Variants in POU4F2 observed in about 807,000 individuals in gnomAD.
The protein encoded by POU4F2 is POU domain, class 4, transcription factor 2.
In POU4F2, 10 loss-of-function variants were observed where a neutral mutation model predicts 21.5. The observed-to-expected ratio is 0.46, with a 90% CI of 0.29 to 0.79. The LOEUF (loss-of-function observed/expected upper bound fraction) is 0.79. POU4F2 is among the 30% of genes least tolerant of loss of function. The pLI, the probability that POU4F2 is intolerant of heterozygous loss-of-function variation, is 0.10. For missense variants in POU4F2, 623 were observed against 603.3 expected, an observed-to-expected ratio of 1.03 and a Z score of -0.34; for synonymous variants, 324 against 271.1, an observed-to-expected ratio of 1.20 and a Z score of -1.92.
In POU4F2 at chr4:146,640,397, G is replaced by T. The variant is rs1039872125; in HGVS notation, c.819G>T (p.Gly273=). The T allele has an allele frequency of 2.5e-6, 4 of 1,609,078 alleles. No homozygotes were observed. Among genetic ancestry groups the T allele is most frequent in the South Asian group, 2.2e-5 (2 of 90,896 alleles). The part of the protein sequence containing the change: ...ERFKQRRIKL[G]VTQADVGSAL... ...TCAAGCAGCGACGCATCAAGCTGGGGGTGACCCAGGCAGATGTGGGCTCCG... is the reference window on the plus strand; with the variant it reads ...TCAAGCAGCGACGCATCAAGCTGGGTGTGACCCAGGCAGATGTGGGCTCCG... The change falls in exon 2 of 2, where the codon GGG becomes GGT. Residue 273 remains glycine (G), a synonymous_variant. Transcript: ENST00000281321. The surrounding 1 kb of genome is among the most constrained non-coding windows in gnomAD (Gnocchi z 4.8).
In POU4F2 at chr4:146,639,218, C is replaced by G; in HGVS notation, c.78C>G (p.Tyr26Ter). 5 of 1,606,766 alleles carry G rather than the reference C, an allele frequency of 3.1e-6. No homozygotes were observed. The highest frequency in any genetic ancestry group is 4.2e-6 in the Non-Finnish European group (5 of 1,177,336). Residue 26 changes from tyrosine to a stop codon, truncating the protein, a stop_gained, in exon 1 of 2, where the codon TAC becomes TAG. Coordinates refer to ENST00000281321, the MANE Select transcript of POU4F2 (RefSeq NM_004575.3). LOFTEE classifies it high-confidence loss of function. The part of the protein sequence containing the change: ...HGGSLHVEPK[Y>*]SALHSTSPGS... ...GCAGCCTGCACGTGGAGCCCAAGTA[C>G]TCGGCACTGCACAGCACCTCGCCGG...
rs964078596 is a variant in POU4F2, at chr4:146,641,171, C to A, written c.*363C>A. ...CAAGTAAGATTTGTTTTTATTCTTA[C>A]AGACATCACCCGTGTTCAAGTTTAA... On this transcript the variant is annotated 3_prime_UTR_variant, in exon 2 of 2. Coordinates refer to ENST00000281321, the MANE Select transcript of POU4F2 (RefSeq NM_004575.3). The A allele has an allele frequency of 2.2e-5, 4 of 182,712 alleles. No individual in the cohort carries two copies. Among genetic ancestry groups the A allele is most frequent in the Non-Finnish European group, 3.4e-5 (3 of 89,258 alleles). 11.3% of individuals were successfully genotyped at this position (182,712 alleles called of 1,614,324 possible).
At chr4:146,639,617 G>A (rs552963942) in intron 1 of POU4F2, among the ~76,000 whole-genome samples, 189 bp downstream of exon 1, 3 of 151,908 alleles carry the variant, frequency 2.0e-5, no homozygotes, top group Admixed American at 6.5e-5. Context: ...TGTTGCCTGT[G>A]CGCGTGTTGT....
In POU4F2 at chr4:146,638,904, C is replaced by T. The variant is rs902989717; in HGVS notation, c.-237C>T. 1.1e-5 allele frequency: 6 copies of T among 544,494 alleles called. No individual in the cohort carries two copies. The highest frequency in any genetic ancestry group is 1.9e-5 in the Non-Finnish European group (6 of 321,888). The allele number at this position is 544,494 out of a possible 1,614,324, so 33.7% of individuals were successfully genotyped here. ...CGAGGAGCGGGGGCAGTTTCGGGTG[C>T]CGAGGTCTGCAGCTAGCGGCAAGCG... is the stretch of plus-strand genomic sequence containing the variant. On this transcript the variant is annotated 5_prime_UTR_variant, in exon 1 of 2. Transcript: ENST00000281321.
In POU4F2 at chr4:146,640,966, GC is replaced by G; in HGVS notation, c.*161del. 1.4e-6 allele frequency: 1 copy of G among 698,438 alleles called. No homozygotes were observed. The allele number at this position is 698,438 out of a possible 1,614,324, so 43.3% of individuals were successfully genotyped here. On this transcript the variant is annotated 3_prime_UTR_variant, in exon 2 of 2. Transcript: ENST00000281321. This position sits in a 1 kb window ranked among gnomAD's most constrained non-coding sequence, Gnocchi z 4.8. ...AGGGAGCGAACGAGCGAACAACTGA[GC>G]CCAAGCCGGTGAGAATGTGAAACAG... is the stretch of plus-strand genomic sequence containing the variant.
Position 146,642,308 on chromosome 4 carries a change from G to A in POU4F2, c.*1500G>A, listed in dbSNP as rs74571172. Reference sequence around the variant, plus strand: ...AAGTCTTGAGTTCTGTATATGGCCTGGTTTCTTGTTTTTATTAATAGATGG... The same window carrying A: ...AAGTCTTGAGTTCTGTATATGGCCTAGTTTCTTGTTTTTATTAATAGATGG... On this transcript the variant is annotated 3_prime_UTR_variant, in exon 2 of 2. Coordinates refer to ENST00000281321, the MANE Select transcript of POU4F2 (RefSeq NM_004575.3). 533 of 152,126 alleles carry A rather than the reference G, an allele frequency of 3.5e-3. 5 individuals carry two copies. Among genetic ancestry groups the A allele is most frequent in the African/African-American group, 0.012 (502 of 41,498 alleles). 9.4% of individuals were successfully genotyped at this position (152,126 alleles called of 1,614,324 possible). A position where few individuals can be genotyped will look rare whatever the true frequency, so the allele number is the denominator to read the frequency against.
At chr4:146,639,514 C>T (rs764143691) in intron 1 of POU4F2, 86 bp downstream of exon 1, 139 of 1,432,142 alleles carry the variant, frequency 9.7e-5, no homozygotes, top group Non-Finnish European at 1.2e-4. Context: ...GTCTGCACAG[C>T]AAATCACCCC....
chr4:146,641,863 A>ACACG lies in POU4F2; in HGVS notation c.*1058_*1059insGCAC, dbSNP rs989659299. Reference sequence around the variant, plus strand: ...AGCGCTCTCACTTACCCTTACACACACACACACACACACACACACCTCTAA... The same window carrying ACACG: ...AGCGCTCTCACTTACCCTTACACACACACGCACACACACACACACACACCTCTAA... On this transcript the variant is annotated 3_prime_UTR_variant, in exon 2 of 2. Coordinates refer to ENST00000281321, the MANE Select transcript of POU4F2 (RefSeq NM_004575.3). 2 of 152,186 alleles carry ACACG rather than the reference A, an allele frequency of 1.3e-5. No homozygotes were observed. The highest frequency in any genetic ancestry group is 4.8e-5 in the African/African-American group (2 of 41,278). 9.4% of individuals were successfully genotyped at this position (152,186 alleles called of 1,614,324 possible).
At position 146,641,040 on chromosome 4, in the gene POU4F2, A is replaced by G. The variant is rs1388844899; in HGVS notation, c.*232A>G. 6.3e-6 allele frequency: 3 copies of G among 474,794 alleles called. No individual in the cohort carries two copies. The highest frequency in any genetic ancestry group is 4.1e-5 in the Admixed American group (1 of 24,578). 29.4% of individuals were successfully genotyped at this position (474,794 alleles called of 1,614,324 possible). A position where few individuals can be genotyped will look rare whatever the true frequency, so the allele number is the denominator to read the frequency against. ...AAAGATGGTATTTGTCTGTTGTAGC[A>G]AAGTTGTCCCTTTGAACCCCACCTC... On this transcript the variant is annotated 3_prime_UTR_variant, in exon 2 of 2. Transcript: ENST00000281321.
chr4:146,639,280 C>G lies in POU4F2; in HGVS notation c.140C>G (p.Pro47Arg). 4 of 1,560,206 alleles carry G rather than the reference C, an allele frequency of 2.6e-6. No individual in the cohort carries two copies. The highest frequency in any genetic ancestry group is 2.6e-6 in the Non-Finnish European group (3 of 1,157,512). ...CCCATCGCGCCCTCGGCCAGCTCCC[C>G]CAGCAGCTCGAGCAACGCTGGTGGT... The part of the protein sequence containing the change: ...SAPIAPSASS[P>R]SSSSNAGGGG... The change falls in exon 1 of 2, where the codon CCC becomes CGC. Residue 47 changes from proline (P) to arginine (R), a missense_variant. Physicochemically the swap from Pro to Arg is moderately radical, Grantham distance 103. Coordinates refer to ENST00000281321, the MANE Select transcript of POU4F2 (RefSeq NM_004575.3).
At position 146,641,573 on chromosome 4, in the gene POU4F2, G is replaced by C. The variant is rs1561028028; in HGVS notation, c.*765G>C. 6.6e-6 allele frequency: 1 copy of C among 152,556 alleles called. No homozygotes were observed. Among genetic ancestry groups the C allele is most frequent in the Non-Finnish European group, 1.5e-5 (1 of 68,020 alleles). The allele number at this position is 152,556 out of a possible 1,614,324, so 9.5% of individuals were successfully genotyped here. On this transcript the variant is annotated 3_prime_UTR_variant, in exon 2 of 2. Transcript: ENST00000281321. The stretch of plus-strand genomic sequence containing the variant: ...CTAAAAAAAGTGGGGGAAATGTATA[G>C]CTAGTAACGTTCAAAAAATTTTGTT...
In POU4F2 at chr4:146,641,891, G is replaced by A. The variant is rs1740894244; in HGVS notation, c.*1083G>A. On this transcript the variant is annotated 3_prime_UTR_variant, in exon 2 of 2. Coordinates refer to ENST00000281321, the MANE Select transcript of POU4F2 (RefSeq NM_004575.3). ...CACACACACACACACACCTCTAACA[G>A]AAGGGAAGAAGCAGTTGGAAGCATG... 2 of 148,342 alleles carry A rather than the reference G, an allele frequency of 1.3e-5. No homozygotes were observed. The highest frequency in any genetic ancestry group is 3.0e-5 in the Non-Finnish European group (2 of 67,074). 9.2% of individuals were successfully genotyped at this position (148,342 alleles called of 1,614,324 possible). A position where few individuals can be genotyped will look rare whatever the true frequency, so the allele number is the denominator to read the frequency against.
At position 146,639,407 on chromosome 4, in the gene POU4F2, A is replaced by T; in HGVS notation, c.267A>T (p.Arg89Ser). The change falls in exon 1 of 2, where the codon AGA becomes AGT. Residue 89 changes from arginine (R) to serine (S), a missense_variant. By Grantham distance (110) the Arg-to-Ser change is moderately radical (BLOSUM62 -1). Transcript: ENST00000281321. ...GCGGGGGCTCGGAGGCTATGCGGAG[A>T]GCCTGTCTTCCAACCCCACCGGTGC... ...SGGGGSEAMR[R>S]ACLPTPPSNI... The T allele has an allele frequency of 6.8e-7, 1 of 1,465,978 alleles. No individual in the cohort carries two copies. 90.8% of individuals were successfully genotyped at this position (1,465,978 alleles called of 1,614,324 possible).
chr4:146,640,825 C>A lies in POU4F2; in HGVS notation c.*17C>A. The A allele has an allele frequency of 6.4e-7, 1 of 1,554,718 alleles. No individual in the cohort carries two copies. Among genetic ancestry groups the A allele is most frequent in the East Asian group, 2.3e-5 (1 of 44,282 alleles). The stretch of plus-strand genomic sequence containing the variant: ...GGCATTTAGAAGACTCTTGGCCTCT[C>A]CAGAGACGCCCCTTTCCTCGTCCGC... On this transcript the variant is annotated 3_prime_UTR_variant, in exon 2 of 2. Coordinates refer to ENST00000281321, the MANE Select transcript of POU4F2 (RefSeq NM_004575.3). This position sits in a 1 kb window ranked among gnomAD's most constrained non-coding sequence, Gnocchi z 4.8.
At position 146,639,202 on chromosome 4, in the gene POU4F2, A is replaced by C; in HGVS notation, c.62A>C (p.His21Pro). ...AFSMPHGGSL[H>P]VEPKYSALHS... is the part of the protein sequence containing the mutation. ...AGCATGCCGCACGGCGGCAGCCTGC[A>C]CGTGGAGCCCAAGTACTCGGCACTG... The change falls in exon 1 of 2, where the codon CAC becomes CCC. Residue 21 changes from histidine (H) to proline (P), a missense_variant. Transcript: ENST00000281321. The C allele has an allele frequency of 1.2e-6, 2 of 1,607,226 alleles. No individual in the cohort carries two copies. Among genetic ancestry groups the C allele is most frequent in the Non-Finnish European group, 1.7e-6 (2 of 1,177,542 alleles).
Position 146,641,794 on chromosome 4 carries a change from T to C in POU4F2, c.*986T>C, listed in dbSNP as rs1259255610. The stretch of plus-strand genomic sequence containing the variant: ...ACTGTCTGAAGTATTGTTTACTTCG[T>C]TACATATTTAATGGGGATTCCCACA... On this transcript the variant is annotated 3_prime_UTR_variant, in exon 2 of 2. Coordinates refer to ENST00000281321, the MANE Select transcript of POU4F2 (RefSeq NM_004575.3). The C allele has an allele frequency of 6.6e-6, 1 of 152,528 alleles. No individual in the cohort carries two copies. Among genetic ancestry groups the C allele is most frequent in the Admixed American group, 6.6e-5 (1 of 15,266 alleles). The allele number at this position is 152,528 out of a possible 1,614,324, so 9.4% of individuals were successfully genotyped here.
Position 146,642,273 on chromosome 4 carries a change from A to G in POU4F2, c.*1465A>G, listed in dbSNP as rs1485904472. On this transcript the variant is annotated 3_prime_UTR_variant, in exon 2 of 2. Transcript: ENST00000281321. Reference sequence around the variant, plus strand: ...TTTTGCTGTATTGCTGTTCTCTTTGAGGCTCTCCAAAGTCTTGAGTTCTGT... The same window carrying G: ...TTTTGCTGTATTGCTGTTCTCTTTGGGGCTCTCCAAAGTCTTGAGTTCTGT... 4.6e-5 allele frequency: 7 copies of G among 152,162 alleles called. No individual in the cohort carries two copies. The highest frequency in any genetic ancestry group is 1.7e-4 in the African/African-American group (7 of 41,436). 9.4% of individuals were successfully genotyped at this position (152,162 alleles called of 1,614,324 possible). A position where few individuals can be genotyped will look rare whatever the true frequency, so the allele number is the denominator to read the frequency against.
rs1273840275 is a variant in POU4F2 at position 146,640,088 on chromosome 4, G to T, written c.510G>T (p.Thr170=). The change falls in exon 2 of 2, where the codon ACG becomes ACT. Residue 170 remains threonine, a synonymous_variant. Transcript: ENST00000281321. The surrounding 1 kb of genome is among the most constrained non-coding windows in gnomAD (Gnocchi z 4.8). ...PISHPSALAG[T]HHHHHHHHHH... is the part of the protein sequence containing the mutation. The stretch of plus-strand genomic sequence containing the variant: ...CGCACCCTTCCGCGTTGGCGGGCAC[G>T]CACCACCACCACCACCATCACCACC... The T allele has an allele frequency of 3.1e-6, 5 of 1,603,612 alleles. No homozygotes were observed. In the Admixed American group the frequency reaches 8.3e-5, roughly 27 times the overall value.
rs755145943 is a variant in POU4F2 at position 146,639,204 on chromosome 4, G to C, written c.64G>C (p.Val22Leu). The C allele has an allele frequency of 3.1e-6, 5 of 1,607,028 alleles. No homozygotes were observed. The highest frequency in any genetic ancestry group is 1.7e-5 in the Admixed American group (1 of 59,424). ...CATGCCGCACGGCGGCAGCCTGCAC[G>C]TGGAGCCCAAGTACTCGGCACTGCA... ...FSMPHGGSLH[V>L]EPKYSALHST... The change falls in exon 1 of 2, where the codon GTG becomes CTG. Residue 22 changes from valine to leucine, a missense_variant. Coordinates refer to ENST00000281321, the MANE Select transcript of POU4F2 (RefSeq NM_004575.3).
Sources: gnomAD v4.1 joint callset for allele counts (sites outside exome capture counted in the v4.1 genomes callset) on GRCh38, gnomAD v4.1.1 for gene constraint, Gnocchi (gnomAD v3.1) non-coding constraint, MANE v1.5 for transcripts, NCBI Gene and HGNC (gene_info 2026-07-23, HGNC 2026-07-21) for gene names.